The following SGTA variants were observed in gnomAD, a reference collection of about 807,000 sequenced individuals.
The protein encoded by SGTA is small glutamine rich tetratricopeptide repeat co-chaperone alpha.
SGTA carries 22 observed loss-of-function variants against 44.3 expected under a neutral mutation model. That is an observed-to-expected ratio of 0.50 (90% CI 0.36 to 0.71). The LOEUF is 0.71. Among genes scored for constraint, SGTA ranks in the 30% least tolerant of loss-of-function variants. The probability of loss-of-function intolerance (pLI) is 0.00; values close to 1 mark genes in which losing one functional copy is unlikely to be tolerated. For synonymous variants in SGTA, 174 were observed against 177.6 expected (o/e 0.98, Z 0.16); for missense variants, 341 against 435.9 (o/e 0.78, Z 1.94).
chr19:2,777,600 C>T (rs1413708800), intron 1 of SGTA: 1 of 152,140 alleles, frequency 6.6e-6, no homozygotes, highest in Non-Finnish European at 1.5e-5. Flanking sequence ...ATGAGGGTCA[C>T]ACCCAACCAG....
chr19:2,772,046 CCTTCCT>C (rs1915323516), intron 1 of SGTA, among the ~76,000 whole-genome samples: 2 of 152,274 alleles, frequency 1.3e-5, no homozygotes, highest in South Asian at 4.1e-4. Flanking sequence ...GTGTCACCGG[CCTTCCT>C]CCGGGGCCGG....
chr19:2,757,609 A>G, intron 10 of SGTA, 84 bp downstream of exon 10: 1 of 1,439,478 alleles, frequency 6.9e-7, no homozygotes, highest in East Asian at 2.5e-5. Flanking sequence ...GGGACGCAGC[A>G]CTTTCGCTCT....
At position 2,763,564 on chromosome 19, in the gene SGTA, G is replaced by C. The variant is rs966419060; in HGVS notation, c.497+89C>G. ...CGGGGTGGGAGAATTCGTTGTGGGT[G>C]GGAAAAAAGCCACACAAGAGAGGAA... On this transcript the variant is annotated intron_variant, in intron 6 of 11. Transcript: ENST00000221566. The surrounding 1 kb of genome is among the most constrained non-coding windows in gnomAD (Gnocchi z 5.8). The C allele has an allele frequency of 8.0e-6, 7 of 877,062 alleles. No homozygotes were observed. The highest frequency in any genetic ancestry group is 1.2e-5 in the Non-Finnish European group (7 of 567,654). The allele number at this position is 877,062 out of a possible 1,614,324, so 54.3% of individuals were successfully genotyped here.
intron 1 of SGTA, among the ~76,000 whole-genome samples, chr19:2,779,579 G>A (rs1460430304): frequency 6.6e-6 from 1 of 152,208 alleles, no homozygotes; most frequent in African/African-American, 2.4e-5. Flanking sequence ...TCCCAACAGC[G>A]AGGGCTTTAT....
chr19:2,761,628 A>G lies in SGTA; in HGVS notation c.637-106T>C, dbSNP rs72486342. 8.5e-4 allele frequency: 796 copies of G among 938,064 alleles called. 7 individuals carry two copies. In the East Asian group the frequency reaches 0.018, roughly 21 times the overall value. 58.1% of individuals were successfully genotyped at this position (938,064 alleles called of 1,614,324 possible). On this transcript the variant is annotated intron_variant, in intron 7 of 11. Coordinates refer to ENST00000221566, the MANE Select transcript of SGTA (RefSeq NM_003021.4). This position sits in a 1 kb window ranked among gnomAD's most constrained non-coding sequence, Gnocchi z 5.7. ...GCCCCCCACGGGGCTCAGACATTCT[A>G]TCAACCCTGCGGCCAGAGGGTGCTT...
chr19:2,766,726 G>C (rs143702536), intron 4 of SGTA, among the ~76,000 whole-genome samples: 1 of 152,082 alleles, frequency 6.6e-6, no homozygotes, highest in Non-Finnish European at 1.5e-5. Flanking sequence ...GTGAGCCACC[G>C]CGCCCGGCCT....
intron 11 of SGTA, among the ~76,000 whole-genome samples, 165 bp from the exon 12 acceptor site, chr19:2,756,098 G>A (rs945894675): frequency 5.3e-5 from 8 of 152,148 alleles, no homozygotes; most frequent in African/African-American, 1.2e-4. Flanking sequence ...CCACACACTC[G>A]GGGCCACGTG....
intron 1 of SGTA, among the ~76,000 whole-genome samples, chr19:2,778,461 G>A (rs1390384729): frequency 6.6e-6 from 1 of 151,996 alleles, no homozygotes; most frequent in South Asian, 2.1e-4. Flanking sequence ...TGTACCCCAG[G>A]GCTTTTGCAC....
rs1914916836 is a variant in SGTA at position 2,759,262 on chromosome 19, C to A, written c.732G>T (p.Gln244His). The A allele has an allele frequency of 1.9e-6, 3 of 1,614,102 alleles. No homozygotes were observed. In the Admixed American group the frequency reaches 5.0e-5, roughly 27 times the overall value. ...GAAACCCGGTTGTCACTTACAGCTG[C>A]TGAATCTGGGGATTGTTCATTAGGT... ...ASNLMNNPQI[Q>H]QLMSGMISGG... The change falls in exon 9 of 12, where the codon CAG becomes CAT. Residue 244 changes from glutamine (Q) to histidine (H), a missense_variant. Coordinates refer to ENST00000221566, the MANE Select transcript of SGTA (RefSeq NM_003021.4).
Position 2,757,453 on chromosome 19 carries a change from G to A in SGTA, c.832C>T (p.Gln278Ter). Reference protein sequence around the residue: ...NDLASLIQAGQQFAQQMQQQN... With the variant: ...NDLASLIQAG Reference sequence around the variant, plus strand: ...TGCTGCATCTGCTGGGCAAACTGCTGGCCCCTGCGGGGAAGGGCACATGGG... The same window carrying A: ...TGCTGCATCTGCTGGGCAAACTGCTAGCCCCTGCGGGGAAGGGCACATGGG... The change falls in exon 11 of 12, where the codon CAG becomes TAG. Residue 278 changes from glutamine to a stop codon, truncating the protein, a stop_gained. Transcript: ENST00000221566. LOFTEE classifies it high-confidence loss of function. 1.2e-6 allele frequency: 2 copies of A among 1,607,602 alleles called. No individual in the cohort carries two copies. Among genetic ancestry groups the A allele is most frequent in the Non-Finnish European group, 8.5e-7 (1 of 1,179,854 alleles).
At chr19:2,764,727 C>T (rs4807326) in intron 5 of SGTA, among the ~76,000 whole-genome samples, 38,469 of 152,006 alleles carry the variant, frequency 0.25, 5,171 homozygotes, top group East Asian at 0.51. Flanking sequence ...CCACTACACC[C>T]GGCTAATTTT....
Position 2,763,803 on chromosome 19 carries a change from C to A in SGTA, c.393-46G>T. 2 of 1,525,816 alleles carry A rather than the reference C, an allele frequency of 1.3e-6. No homozygotes were observed. The highest frequency in any genetic ancestry group is 1.2e-5 in the South Asian group (1 of 86,948). 94.5% of individuals were successfully genotyped at this position (1,525,816 alleles called of 1,614,324 possible). On this transcript the variant is annotated intron_variant, in intron 5 of 11. Transcript: ENST00000221566. The surrounding 1 kb of genome is among the most constrained non-coding windows in gnomAD (Gnocchi z 5.8). ...CAGGTCCCTCACTGGCGGCTCTGAG[C>A]CCAGCGGGCAGCCCTTGAGGGGAGC...
chr19:2,760,588 C>A (rs1194189781), intron 8 of SGTA, among the ~76,000 whole-genome samples: 1 of 151,386 alleles, frequency 6.6e-6, no homozygotes. Context: ...CTTATTCTGC[C>A]AACCCCAGAT....
chr19:2,771,620 G>A (rs1388683894), intron 1 of SGTA, among the ~76,000 whole-genome samples: 1 of 151,202 alleles, frequency 6.6e-6, no homozygotes, highest in Admixed American at 6.6e-5. Flanking sequence ...ACAACGCTGA[G>A]TGAACACCCC....
At chr19:2,764,533 G>A (rs1023211063) in intron 5 of SGTA, among the ~76,000 whole-genome samples, 1 of 151,628 alleles carries the variant, frequency 6.6e-6, no homozygotes, top group Non-Finnish European at 1.5e-5. Flanking sequence ...AGGTAGCTGG[G>A]ACTACAGGCA....
chr19:2,761,541 C>T lies in SGTA; in HGVS notation c.637-19G>A, dbSNP rs1568307974. ...CTCCCGTCTGAGGATGAGAACAGCC[C>T]TGGTTAGTGGGGCCTGGACCAGAGG... is the stretch of plus-strand genomic sequence containing the variant. On this transcript the variant is annotated intron_variant, in intron 7 of 11. Coordinates refer to ENST00000221566, the MANE Select transcript of SGTA (RefSeq NM_003021.4). This position sits in a 1 kb window ranked among gnomAD's most constrained non-coding sequence, Gnocchi z 5.7. The T allele has an allele frequency of 3.2e-6, 5 of 1,549,932 alleles. No individual in the cohort carries two copies. Among genetic ancestry groups the T allele is most frequent in the Non-Finnish European group, 4.4e-6 (5 of 1,145,704 alleles).
chr19:2,757,733 T>G lies in SGTA; in HGVS notation c.787A>C (p.Thr263Pro). The G allele has an allele frequency of 6.2e-7, 1 of 1,602,926 alleles. No individual in the cohort carries two copies. The highest frequency in any genetic ancestry group is 8.5e-7 in the Non-Finnish European group (1 of 1,175,414). ...GCCAGGTCGTTCTGCGAGGGGCTGG[T>G]GCCGGGAGTTCCCAAGGGGTTGTTG... ...GGNNPLGTPG[T>P]SPSQNDLASL... Residue 263 changes from threonine to proline, a missense_variant, in exon 10 of 12, where the codon ACC becomes CCC. By Grantham distance (38) the Thr-to-Pro change is conservative. Coordinates refer to ENST00000221566, the MANE Select transcript of SGTA (RefSeq NM_003021.4).
intron 1 of SGTA, among the ~76,000 whole-genome samples, chr19:2,771,330 A>G (rs903927070): frequency 1.3e-5 from 2 of 152,160 alleles, no homozygotes; most frequent in African/African-American, 2.4e-5. Flanking sequence ...AGGCTGAGGC[A>G]GGAGAATCAC....
At chr19:2,779,921 C>G (rs1915533524) in intron 1 of SGTA, among the ~76,000 whole-genome samples, 1 of 150,994 alleles carries the variant, frequency 6.6e-6, no homozygotes, top group Non-Finnish European at 1.5e-5. Flanking sequence ...AAAAGAGACT[C>G]TAAAAAAAAA....
Sources: allele counts gnomAD v4.1 joint callset (sites outside exome capture counted in the v4.1 genomes callset), GRCh38; gene constraint gnomAD v4.1.1; non-coding constraint Gnocchi (gnomAD v3.1); transcripts MANE v1.5; gene names NCBI Gene and HGNC (gene_info 2026-07-23, HGNC 2026-07-21).